CHSY1: variants seen among roughly 807,000 people sequenced by gnomAD.
CHSY1 encodes chondroitin sulfate synthase 1.
Under a neutral mutation model 59.8 loss-of-function variants are expected in CHSY1, and 13 were observed. That is an observed-to-expected ratio of 0.22 (90% CI 0.14 to 0.35). The LOEUF (loss-of-function observed/expected upper bound fraction) is 0.35, where lower values mean the gene tolerates loss of function less well. Ranked by LOEUF, CHSY1 falls within the 10% of genes least tolerant of loss-of-function variation. CHSY1 has a pLI of 1.00. For missense variants in CHSY1, 947 were observed against 1,030.6 expected (o/e 0.92, Z 1.11); for synonymous variants, 459 against 401.2 (o/e 1.14, Z -1.72).
chr15:101,178,588 T>C lies in CHSY1; in HGVS notation c.1209A>G (p.Glu403=), dbSNP rs1228358271. 2 of 1,614,220 alleles carry C rather than the reference T, an allele frequency of 1.2e-6. No homozygotes were observed. The highest frequency in any genetic ancestry group is 2.2e-5 in the East Asian group (1 of 44,888). The change falls in exon 3 of 3, where the codon GAA becomes GAG. Residue 403 remains glutamate (E), a synonymous_variant. Coordinates refer to ENST00000254190, the MANE Select transcript of CHSY1 (RefSeq NM_014918.5). ...PRRGMDSAQR[E]ALDDIVMQVM... Reference sequence around the variant, plus strand: ...CCTGCATGACAATGTCGTCCAAGGCTTCCCTCTGGGCGGAGTCCATTCCTC... The same window carrying C: ...CCTGCATGACAATGTCGTCCAAGGCCTCCCTCTGGGCGGAGTCCATTCCTC...
At chr15:101,213,932 T>C (rs564752755) in intron 2 of CHSY1, among the ~76,000 whole-genome samples, 2 of 152,352 alleles carry the variant, frequency 1.3e-5, no homozygotes, top group African/African-American at 2.4e-5. Flanking sequence ...TACAAGAATG[T>C]GGCAAACTAG....
chr15:101,200,327 T>G (rs1426307960), intron 2 of CHSY1, among the ~76,000 whole-genome samples: 1 of 152,204 alleles, frequency 6.6e-6, no homozygotes, highest in Non-Finnish European at 1.5e-5. Flanking sequence ...CCTACTGCAT[T>G]TCACATGACG....
At chr15:101,217,525 C>G (rs1219928645) in intron 2 of CHSY1, among the ~76,000 whole-genome samples, 1 of 152,064 alleles carries the variant, frequency 6.6e-6, no homozygotes, top group African/African-American at 2.4e-5. Flanking sequence ...ATGGCTGATT[C>G]TAGGCCTTGG....
At chr15:101,251,043 G>A (rs2039103773) in intron 1 of CHSY1, 94 bp downstream of exon 1, 46 of 1,224,942 alleles carry the variant, frequency 3.8e-5, no homozygotes, top group Non-Finnish European at 4.8e-5. Context: ...AAGGGCCTAG[G>A]AAGCGGGCGG....
At chr15:101,244,052 C>T (rs1320434157) in intron 1 of CHSY1, among the ~76,000 whole-genome samples, 1 of 152,158 alleles carries the variant, frequency 6.6e-6, no homozygotes, top group Non-Finnish European at 1.5e-5. Context: ...TGTAATCATC[C>T]AGAAAATGTA....
chr15:101,251,238 G>A lies in CHSY1; in HGVS notation c.219C>T (p.Pro73=), dbSNP rs373485537. The A allele has an allele frequency of 6.4e-6, 10 of 1,574,360 alleles. No homozygotes were observed. The highest frequency in any genetic ancestry group is 2.3e-5 in the East Asian group (1 of 43,280). The change falls in exon 1 of 3, where the codon CCC becomes CCT. Residue 73 remains proline, a synonymous_variant. Transcript: ENST00000254190. The part of the protein sequence containing the change: ...GDARGAQLWP[P]GSDPDGGPRD... ...GCGGGCCGCCATCTGGGTCCGAGCCGGGCGGCCAGAGCTGCGCCCCGCGCG... is the reference window on the plus strand; with the variant it reads ...GCGGGCCGCCATCTGGGTCCGAGCCAGGCGGCCAGAGCTGCGCCCCGCGCG...
At chr15:101,216,797 A>G (rs1196890226) in intron 2 of CHSY1, among the ~76,000 whole-genome samples, 1 of 152,226 alleles carries the variant, frequency 6.6e-6, no homozygotes, top group African/African-American at 2.4e-5. Flanking sequence ...TCTGCATGAT[A>G]CTGTAATGGT....
intron 2 of CHSY1, among the ~76,000 whole-genome samples, chr15:101,187,373 G>A (rs550327060): frequency 6.6e-6 from 1 of 152,036 alleles, no homozygotes; most frequent in Non-Finnish European, 1.5e-5. Context: ...CAGCTACTCG[G>A]GAGGGTGAGG....
intron 2 of CHSY1, chr15:101,188,105 G>A (rs944904493): frequency 1.2e-4 from 116 of 985,232 alleles, no homozygotes; most frequent in Admixed American, 1.8e-4. Context: ...CCTTCAGCAC[G>A]TACACGGTTC....
In CHSY1 at chr15:101,235,341, C is replaced by A. The variant is rs1181625459; in HGVS notation, c.557G>T (p.Arg186Met). Residue 186 changes from arginine to methionine, a missense_variant, in exon 2 of 3, where the codon AGG becomes ATG. Around this residue, in one of 4 missense-constraint regions of CHSY1, gnomAD observed 108 missense variants for 144.4 expected, o/e 0.75. Coordinates refer to ENST00000254190, the MANE Select transcript of CHSY1 (RefSeq NM_014918.5). ...IKGDRLENFL[R>M]SLNSSEPLFL... Reference sequence around the variant, plus strand: ...GAGGGGCTCGCTGCTGTTCAAACTCCTCAGGAAGTTCTCCAGACGGTCTCC... The same window carrying A: ...GAGGGGCTCGCTGCTGTTCAAACTCATCAGGAAGTTCTCCAGACGGTCTCC... 2 of 1,614,206 alleles carry A rather than the reference C, an allele frequency of 1.2e-6. No individual in the cohort carries two copies. The highest frequency in any genetic ancestry group is 4.5e-5 in the East Asian group (2 of 44,888).
rs575963169 is a variant in CHSY1 at position 101,176,033 on chromosome 15, T to C, written c.*1355A>G. 2.4e-5 allele frequency: 9 copies of C among 370,310 alleles called. No homozygotes were observed. In the South Asian group the frequency reaches 6.0e-4, roughly 25 times the overall value. The allele number at this position is 370,310 out of a possible 1,614,324, so 22.9% of individuals were successfully genotyped here. ...TCCCCAAAACACATGAGCACCAAAATTGTCAAAGAACACTTAATATTTAGT... is the reference window on the plus strand; with the variant it reads ...TCCCCAAAACACATGAGCACCAAAACTGTCAAAGAACACTTAATATTTAGT... On this transcript the variant is annotated 3_prime_UTR_variant, in exon 3 of 3. Transcript: ENST00000254190.
chr15:101,234,151 G>A (rs150243192), intron 2 of CHSY1, among the ~76,000 whole-genome samples: 15 of 152,082 alleles, frequency 9.9e-5, no homozygotes, highest in Middle Eastern at 3.4e-3. Flanking sequence ...ATCTACAAGC[G>A]GACTTCCTTC....
chr15:101,203,311 T>A (rs2038592110), intron 2 of CHSY1, among the ~76,000 whole-genome samples: 1 of 152,080 alleles, frequency 6.6e-6, no homozygotes, highest in South Asian at 2.1e-4. Flanking sequence ...AGGCCACACA[T>A]CCAAGTGTGC....
chr15:101,201,002 G>A (rs2038568479), intron 2 of CHSY1, among the ~76,000 whole-genome samples: 1 of 152,020 alleles, frequency 6.6e-6, no homozygotes, highest in African/African-American at 2.4e-5. Context: ...CCCCTTCCCT[G>A]CCTGAGCCAG....
chr15:101,248,006 C>T (rs11630455), intron 1 of CHSY1, among the ~76,000 whole-genome samples: 43,531 of 151,986 alleles, frequency 0.29, 8,378 homozygotes, highest in African/African-American at 0.55. Context: ...AAAGTGCTGG[C>T]ATCTCCTTCA....
At chr15:101,220,763 TCTAAC>T (rs1055980815) in intron 2 of CHSY1, among the ~76,000 whole-genome samples, 13 of 152,230 alleles carry the variant, frequency 8.5e-5, no homozygotes, top group African/African-American at 3.1e-4. Context: ...ACTCACGTGC[TCTAAC>T]TCAGCTTCCG....
At chr15:101,191,616 T>A (rs2038446494) in intron 2 of CHSY1, among the ~76,000 whole-genome samples, 1 of 152,170 alleles carries the variant, frequency 6.6e-6, no homozygotes, top group South Asian at 2.1e-4. Flanking sequence ...GTAACAAAGG[T>A]ACCACCACTC....
At chr15:101,225,741 C>A (rs1385136978) in intron 2 of CHSY1, among the ~76,000 whole-genome samples, 1 of 152,214 alleles carries the variant, frequency 6.6e-6, no homozygotes, top group Non-Finnish European at 1.5e-5. Context: ...GCCAATTAAA[C>A]CTCTTTTCTT....
intron 2 of CHSY1, among the ~76,000 whole-genome samples, chr15:101,222,442 T>A (rs1249716803): frequency 2.0e-5 from 3 of 152,234 alleles, no homozygotes; most frequent in African/African-American, 7.2e-5. Context: ...CCCACTTGAC[T>A]ATGCTACACA....
Sources: gnomAD v4.1 joint callset for allele counts (sites outside exome capture counted in the v4.1 genomes callset) on GRCh38, gnomAD v4.1.1 for gene constraint, gnomAD v4.1.1 regional missense constraint, MANE v1.5 for transcripts, NCBI Gene and HGNC (gene_info 2026-07-23, HGNC 2026-07-21) for gene names.